Variants in DMD observed in about 807,000 individuals in gnomAD.
DMD encodes dystrophin, also known as mutant dystrophin.
DMD carries 63 observed loss-of-function variants against 330.1 expected under a neutral mutation model. The ratio of observed to expected loss-of-function variants is 0.19; its 90% confidence interval spans 0.16 to 0.24. DMD has a LOEUF of 0.24. DMD is among the 10% of genes least tolerant of loss of function. The pLI, the probability that DMD is intolerant of heterozygous loss-of-function variation, is 1.00. For missense variants in DMD, 3,344 were observed against 2,684.1 expected (o/e 1.25, Z -5.43); for synonymous variants, 1,223 against 959.8 (o/e 1.27, Z -5.07).
intron 2 of DMD, among the ~76,000 whole-genome samples, chrX:32,950,513 G>A (rs2091182875): frequency 9.0e-6 from 1 of 110,842 alleles, no homozygotes; most frequent in African/African-American, 3.3e-5. Flanking sequence ...CATATATTGT[G>A]TGATGGTATA....
At chrX:32,420,203 T>G (rs575091896) in intron 29 of DMD, among the ~76,000 whole-genome samples, 11 of 111,742 alleles carry the variant, frequency 9.8e-5, no homozygotes, top group African/African-American at 3.2e-4. Context: ...AGTCTAAACT[T>G]TAGGCAGTGA....
At chrX:33,047,092 C>CA (rs2094393180) in intron 1 of DMD, among the ~76,000 whole-genome samples, 1 of 111,576 alleles carries the variant, frequency 9.0e-6, no homozygotes, top group African/African-American at 3.3e-5. Context: ...GGATAGGAAA[C>CA]AAAGCTTAGC....
intron 17 of DMD, among the ~76,000 whole-genome samples, chrX:32,543,245 A>T (rs939442765): frequency 9.6e-6 from 1 of 104,279 alleles, no homozygotes; most frequent in African/African-American, 4.0e-5. Context: ...AAATTGCCGA[A>T]AACTTATGAT....
chrX:31,560,208 A>G (rs2075116356), intron 55 of DMD, among the ~76,000 whole-genome samples: 2 of 111,713 alleles, frequency 1.8e-5, no homozygotes, highest in African/African-American at 6.5e-5. Context: ...TCTTCTTACA[A>G]TGCAGATTCT....
At chrX:32,377,964 T>C (rs1383367735) in intron 34 of DMD, among the ~76,000 whole-genome samples, 1 of 111,011 alleles carries the variant, frequency 9.0e-6, no homozygotes, top group Non-Finnish European at 1.9e-5. Context: ...TAGCACTAAA[T>C]TTTTCTTTTT....
At chrX:32,902,083 T>C (rs2086296931) in intron 2 of DMD, among the ~76,000 whole-genome samples, 1 of 108,143 alleles carries the variant, frequency 9.2e-6, no homozygotes, top group Admixed American at 1.0e-4. Flanking sequence ...ATCATACGAA[T>C]GTTAAGAGTG....
chrX:32,783,174 C>A (rs928994916), intron 7 of DMD, among the ~76,000 whole-genome samples: 2 of 93,751 alleles, frequency 2.1e-5, no homozygotes, highest in Admixed American at 2.3e-4. Flanking sequence ...ATGGCATATA[C>A]ACACATATAT....
chrX:31,483,214 T>G (rs1285661131), intron 57 of DMD, among the ~76,000 whole-genome samples: 3 of 107,254 alleles, frequency 2.8e-5, no homozygotes, highest in African/African-American at 1.0e-4. Flanking sequence ...GCCCAGCTAA[T>G]TTTTTGTATT....
chrX:31,187,200 C>G (rs145704936), intron 67 of DMD, among the ~76,000 whole-genome samples: 127 of 112,579 alleles, frequency 1.1e-3, no homozygotes, highest in African/African-American at 3.8e-3. Context: ...GGAACCGTGT[C>G]TGACACATAG....
At chrX:32,819,848 TA>T (rs35344665) in intron 5 of DMD, among the ~76,000 whole-genome samples, 4,867 of 80,868 alleles carry the variant, frequency 0.06, 88 homozygotes, top group Non-Finnish European at 0.075. Flanking sequence ...AATGTTGGTG[TA>T]AAAAAAAAAA....
intron 30 of DMD, among the ~76,000 whole-genome samples, chrX:32,404,914 C>T (rs533604155): frequency 1.8e-4 from 20 of 111,195 alleles, no homozygotes; most frequent in East Asian, 5.7e-4. Flanking sequence ...AAAATTTGTG[C>T]GATAGCTCTC....
intron 1 of DMD, among the ~76,000 whole-genome samples, chrX:33,050,562 T>C (rs770707476): frequency 1.7e-4 from 19 of 111,680 alleles, no homozygotes; most frequent in Non-Finnish European, 3.6e-4. Flanking sequence ...AACCAATCAA[T>C]CTCTAGCCTC....
intron 52 of DMD, among the ~76,000 whole-genome samples, chrX:31,722,646 T>A (rs73619005): frequency 0.18 from 19,610 of 110,675 alleles, 1,336 homozygotes; most frequent in East Asian, 0.25. Flanking sequence ...GCTAAAGAGT[T>A]TCTATACTTT....
intron 74 of DMD, among the ~76,000 whole-genome samples, chrX:31,158,531 T>C (rs2038428605): frequency 9.0e-6 from 1 of 111,275 alleles, no homozygotes; most frequent in South Asian, 3.9e-4. Context: ...TGTTCTAAAA[T>C]TGTGCGCTGA....
intron 62 of DMD, among the ~76,000 whole-genome samples, chrX:31,287,513 C>A (rs2053317400): frequency 8.9e-6 from 1 of 112,392 alleles, no homozygotes; most frequent in Non-Finnish European, 1.9e-5. Context: ...CAGATAGAGA[C>A]TAATAATTCT....
rs200666119 is a variant in DMD, at chrX:31,609,492, AT to A, written c.8217+18180del. Among the ~76,000 whole-genome samples, 438 of 107,166 alleles carry A rather than the reference AT, an allele frequency of 4.1e-3. 4 individuals are homozygous for A. Among genetic ancestry groups the A allele is most frequent in the African/African-American group, 0.014 (413 of 29,038 alleles). The allele number at this position is 107,166 out of a possible 115,157, so 93.1% of individuals were successfully genotyped here. On this transcript the variant is annotated intron_variant, in intron 55 of 78. Coordinates refer to ENST00000357033, the MANE Select transcript of DMD (RefSeq NM_004006.3). ...CACCATGTAGGCAAACTACTCTCTC[AT>A]CACCTGTGCATGCACGTGTGTGTGC...
chrX:31,787,632 C>T (rs765771029), intron 50 of DMD, among the ~76,000 whole-genome samples: 2 of 111,603 alleles, frequency 1.8e-5, no homozygotes, highest in African/African-American at 6.5e-5. Flanking sequence ...AAGTCTTGAA[C>T]TCCGTCTTCA....
intron 45 of DMD, among the ~76,000 whole-genome samples, chrX:31,934,104 T>C (rs1267292539): frequency 8.9e-6 from 1 of 111,768 alleles, no homozygotes; most frequent in Non-Finnish European, 1.9e-5. Flanking sequence ...AACAAGCATG[T>C]AAGCCAAGGA....
intron 44 of DMD, among the ~76,000 whole-genome samples, chrX:32,138,637 A>G (rs1338830396): frequency 4.5e-5 from 5 of 112,115 alleles, no homozygotes; most frequent in Non-Finnish European, 9.4e-5. Flanking sequence ...AAAGATAGAT[A>G]TTGCATACTA....
Sources: gnomAD v4.1 joint callset for allele counts (sites outside exome capture counted in the v4.1 genomes callset) on GRCh38, gnomAD v4.1.1 for gene constraint, MANE v1.5 for transcripts, NCBI Gene and HGNC (gene_info 2026-07-23, HGNC 2026-07-21) for gene names.